The following SMOC1 variants were observed in gnomAD, a reference collection of about 807,000 sequenced individuals.
SMOC1 encodes SPARC related modular calcium binding 1.
SMOC1 carries 22 observed loss-of-function variants against 56.3 expected under a neutral mutation model. That is an observed-to-expected ratio of 0.39 (90% CI 0.28 to 0.56). The LOEUF (loss-of-function observed/expected upper bound fraction) is 0.56. Ranked by LOEUF, SMOC1 falls within the 20% of genes least tolerant of loss-of-function variation. The pLI is 0.61. For synonymous variants in SMOC1, 193 were observed against 215.0 expected, an observed-to-expected ratio of 0.90 and a Z score of 0.89; for missense variants, 509 against 565.4, an observed-to-expected ratio of 0.90 and a Z score of 1.01.
chr14:69,986,211 T>C (rs1373392518), intron 5 of SMOC1, among the ~76,000 whole-genome samples: 1 of 152,176 alleles, frequency 6.6e-6, no homozygotes, highest in Non-Finnish European at 1.5e-5. Flanking sequence ...GACAGCATTA[T>C]AGAGATGGAG....
At chr14:69,923,346 T>C (rs933979825) in intron 1 of SMOC1, among the ~76,000 whole-genome samples, 3 of 151,846 alleles carry the variant, frequency 2.0e-5, no homozygotes, top group African/African-American at 4.8e-5. Flanking sequence ...AATTATTTAA[T>C]TATTTCTACG....
intron 1 of SMOC1, among the ~76,000 whole-genome samples, chr14:69,928,617 G>GT (rs1491514798): frequency 2.1e-4 from 4 of 19,108 alleles, no homozygotes; most frequent in Non-Finnish European, 4.2e-4. Context: ...GTGCTCATTG[G>GT]GGGGGGGGTC....
At chr14:69,921,736 T>G (rs902424161) in intron 1 of SMOC1, among the ~76,000 whole-genome samples, 2 of 152,226 alleles carry the variant, frequency 1.3e-5, no homozygotes, top group Admixed American at 6.5e-5. Context: ...GTGGTTTCAC[T>G]GCATCGTTCA....
At chr14:69,924,182 C>G (rs573644748) in intron 1 of SMOC1, among the ~76,000 whole-genome samples, 1 of 152,206 alleles carries the variant, frequency 6.6e-6, no homozygotes, top group East Asian at 1.9e-4. Context: ...CACTCAGGCC[C>G]CAGCCTAGAG....
intron 3 of SMOC1, among the ~76,000 whole-genome samples, chr14:69,957,649 G>A (rs933067221): frequency 2.0e-5 from 3 of 152,056 alleles, no homozygotes; most frequent in Non-Finnish European, 4.4e-5. Flanking sequence ...ACAATCTTTA[G>A]ATTATGGAAA....
intron 5 of SMOC1, among the ~76,000 whole-genome samples, chr14:69,990,454 A>G (rs192816628): frequency 1.3e-4 from 20 of 152,354 alleles, no homozygotes; most frequent in Admixed American, 1.2e-3. Flanking sequence ...GACTCCTAAA[A>G]TGAAGCCACC....
At chr14:70,005,134 TTGTAA>T (rs1163472396) in intron 7 of SMOC1, among the ~76,000 whole-genome samples, 1 of 152,224 alleles carries the variant, frequency 6.6e-6, no homozygotes, top group Non-Finnish European at 1.5e-5. Context: ...AACTCAAATC[TTGTAA>T]TGTTTATGTT....
chr14:69,920,189 A>G (rs529555706), intron 1 of SMOC1, among the ~76,000 whole-genome samples: 1 of 152,354 alleles, frequency 6.6e-6, no homozygotes, highest in African/African-American at 2.4e-5. Context: ...CCAAAAGCTT[A>G]GAGCCCCTTC....
intron 1 of SMOC1, among the ~76,000 whole-genome samples, chr14:69,944,195 T>C (rs969947045): frequency 2.4e-4 from 37 of 152,244 alleles, no homozygotes; most frequent in African/African-American, 8.4e-4. Context: ...AATTAAATGA[T>C]GGGCCATTTT....
At chr14:69,959,859 A>G (rs962408041) in intron 3 of SMOC1, among the ~76,000 whole-genome samples, 1 of 152,188 alleles carries the variant, frequency 6.6e-6, no homozygotes, top group African/African-American at 2.4e-5. Context: ...AGTTCTTACT[A>G]TTGTATTTCC....
At chr14:69,994,302 A>T in intron 6 of SMOC1, 98 bp from the exon 7 acceptor site, 1 of 975,148 alleles carries the variant, frequency 1.0e-6, no homozygotes, top group Non-Finnish European at 1.7e-6. Context: ...TCAATGCCTC[A>T]GACTTTGAAA....
At chr14:70,013,536 C>A (rs1428400573) in intron 10 of SMOC1, 45 bp downstream of exon 10, 5 of 1,558,168 alleles carry the variant, frequency 3.2e-6, no homozygotes, top group African/African-American at 1.4e-5. Context: ...AAATGTGGGG[C>A]CCCTGACTTT....
intron 1 of SMOC1, among the ~76,000 whole-genome samples, chr14:69,931,808 G>A (rs559653485): frequency 6.0e-4 from 91 of 152,298 alleles, no homozygotes; most frequent in African/African-American, 2.1e-3. Context: ...AAATGGCCAC[G>A]CTTTAGTGTC....
At chr14:69,985,070 G>A (rs1884319773) in intron 5 of SMOC1, among the ~76,000 whole-genome samples, 1 of 151,554 alleles carries the variant, frequency 6.6e-6, no homozygotes, top group Non-Finnish European at 1.5e-5. Context: ...AAAGAAATTG[G>A]CCAAATGCAC....
At chr14:69,960,551 G>A (rs552766557) in intron 3 of SMOC1, among the ~76,000 whole-genome samples, 20 of 152,030 alleles carry the variant, frequency 1.3e-4, no homozygotes, top group African/African-American at 4.8e-4. Context: ...AATGGTAAAT[G>A]GTCCCCACTG....
intron 10 of SMOC1, among the ~76,000 whole-genome samples, chr14:70,020,485 TG>T (rs1267878303): frequency 6.6e-6 from 1 of 152,052 alleles, no homozygotes; most frequent in Admixed American, 6.5e-5. Flanking sequence ...TCATGCTAGC[TG>T]GGAAGGAGGA....
chr14:69,961,730 T>C (rs750551002), intron 3 of SMOC1, among the ~76,000 whole-genome samples: 13 of 152,134 alleles, frequency 8.5e-5, no homozygotes, highest in Non-Finnish European at 1.6e-4. Context: ...TTTGTGTACA[T>C]TTTTTTGTGT....
chr14:69,954,894 T>C (rs28569153), intron 3 of SMOC1, among the ~76,000 whole-genome samples: 3,680 of 152,268 alleles, frequency 0.024, 70 homozygotes, highest in Middle Eastern at 0.099. Context: ...CACAGTGGAT[T>C]ACTGATTTGA....
At chr14:69,960,581 CT>C (rs1250459790) in intron 3 of SMOC1, among the ~76,000 whole-genome samples, 1 of 152,002 alleles carries the variant, frequency 6.6e-6, no homozygotes. Context: ...TATTGCTTTT[CT>C]TTTTCCTTTT....
Sources: allele counts gnomAD v4.1 joint callset (sites outside exome capture counted in the v4.1 genomes callset), GRCh38; gene constraint gnomAD v4.1.1; transcripts MANE v1.5; gene names NCBI Gene and HGNC (gene_info 2026-07-23, HGNC 2026-07-21).